The following CPXM1 variants were observed in gnomAD, a reference collection of about 807,000 sequenced individuals.
CPXM1 encodes probable carboxypeptidase X1.
Under a neutral mutation model 80.4 loss-of-function variants are expected in CPXM1, and 72 were observed. The observed-to-expected ratio is 0.90, with a 90% CI of 0.74 to 1.09. CPXM1 has a LOEUF of 1.09. Among genes scored for constraint, CPXM1 ranks in the 50% least tolerant of loss-of-function variants. The probability of loss-of-function intolerance (pLI) is 0.00; values close to 1 mark genes in which losing one functional copy is unlikely to be tolerated. For synonymous variants in CPXM1, 403 were observed against 405.6 expected, an observed-to-expected ratio of 0.99 and a Z score of 0.08; for missense variants, 892 against 999.4, an observed-to-expected ratio of 0.89 and a Z score of 1.45.
Position 2,795,975 on chromosome 20 carries a change from T to C in CPXM1, c.1422+7A>G. ...CAGACCTCCACTGCCGCCCTCAAAA[T>C]ACTCACGGTGGCATTGGGCAGGGTG... On this transcript the variant is annotated splice_region_variant and intron_variant, in intron 10 of 13. Coordinates refer to ENST00000380605, the MANE Select transcript of CPXM1 (RefSeq NM_019609.5). This position sits in a 1 kb window ranked among gnomAD's most constrained non-coding sequence, Gnocchi z 5.4. 1 of 1,602,992 alleles carries C rather than the reference T, an allele frequency of 6.2e-7. No individual in the cohort carries two copies. Among genetic ancestry groups the C allele is most frequent in the Non-Finnish European group, 8.5e-7 (1 of 1,172,870 alleles).
Position 2,798,839 on chromosome 20 carries a change from A to G in CPXM1, c.227T>C (p.Met76Thr), listed in dbSNP as rs138905387. Residue 76 changes from methionine (M) to threonine (T), a missense_variant, in exon 2 of 14, where the codon ATG becomes ACG. Met to Thr is a moderately conservative substitution (Grantham distance 81). This residue lies in a region of CPXM1 where 874 missense variants were observed against 958.4 expected (regional missense o/e 0.91). Transcript: ENST00000380605. ...TAGAGTTAGCTTCTTCCGCTTCTTC[A>G]TAATGACCTTTTTCTTCTTGATGAC... ...IRVIKKKKVIMKKRKKLTLTR... is the reference protein window; with the variant it reads ...IRVIKKKKVITKKRKKLTLTR... 680 of 1,614,078 alleles carry G rather than the reference A, an allele frequency of 4.2e-4. No homozygotes were observed. Among genetic ancestry groups the G allele is most frequent in the Middle Eastern group, 8.3e-4 (5 of 6,054 alleles).
rs577809249 is a variant in CPXM1 at position 2,800,594 on chromosome 20, G to C, written c.-22C>G. 5.7e-5 allele frequency: 76 copies of C among 1,326,050 alleles called. 1 individual carries two copies. The African/African-American group carries it at 9.4e-4, about 16-fold the overall frequency. The allele number at this position is 1,326,050 out of a possible 1,614,324, so 82.1% of individuals were successfully genotyped here. A position where few individuals can be genotyped will look rare whatever the true frequency, so the allele number is the denominator to read the frequency against. On this transcript the variant is annotated 5_prime_UTR_variant, in exon 1 of 14. Transcript: ENST00000380605. ...ACATGGCGGGGATTGAGTGCCAGGG[G>C]CGCGCGGGCTACGGCGGGTGGCGGG... is the stretch of plus-strand genomic sequence containing the variant.
chr20:2,800,290 G>T, intron 1 of CPXM1, 111 bp downstream of exon 1: 1 of 976,422 alleles, frequency 1.0e-6, no homozygotes, highest in Non-Finnish European at 1.4e-6. Context: ...GCATGACTGT[G>T]AGTGTGCGTG....
In CPXM1 at chr20:2,795,410, T is replaced by C. The variant is rs1285853797; in HGVS notation, c.1727A>G (p.Asn576Ser). 1.2e-6 allele frequency: 2 copies of C among 1,613,996 alleles called. No homozygotes were observed. The highest frequency in any genetic ancestry group is 1.7e-6 in the Non-Finnish European group (2 of 1,179,926). Residue 576 changes from asparagine to serine, a missense_variant, in exon 12 of 14, where the codon AAT (asparagine) becomes AGT (serine). Around this residue, in one of 2 missense-constraint regions of CPXM1, gnomAD observed 874 missense variants for 958.4 expected, o/e 0.91. Coordinates refer to ENST00000380605, the MANE Select transcript of CPXM1 (RefSeq NM_019609.5). The surrounding 1 kb of genome is among the most constrained non-coding windows in gnomAD (Gnocchi z 5.4). Reference sequence around the variant, plus strand: ...GTTGGTGTGTAGGTAGCTGAAGTCATTCATGCCTAAGGGGACCACAGACAC... The same window carrying C: ...GTTGGTGTGTAGGTAGCTGAAGTCACTCATGCCTAAGGGGACCACAGACAC... ...ADWHTVPGSM[N>S]DFSYLHTNCF... is the part of the protein sequence containing the mutation.
intron 3 of CPXM1, 57 bp downstream of exon 3, chr20:2,798,371 C>T: frequency 6.2e-7 from 1 of 1,601,402 alleles, no homozygotes. Context: ...AGGAGAGAAG[C>T]TCCCAGGGGC....
intron 2 of CPXM1, 86 bp from the exon 3 acceptor site, chr20:2,798,623 C>T: frequency 1.3e-6 from 2 of 1,541,850 alleles, no homozygotes; most frequent in Non-Finnish European, 1.8e-6. Flanking sequence ...TGCTCCTGCG[C>T]TAGGCAAGCA....
Position 2,798,867 on chromosome 20 carries a change from G to C in CPXM1, c.199C>G (p.Arg67Gly). The change falls in exon 2 of 14, where the codon CGA becomes GGA. Residue 67 changes from arginine (R) to glycine (G), a missense_variant. Transcript: ENST00000380605. ...NGTSEQHVRI[R>G]VIKKKKVIMK... Reference sequence around the variant, plus strand: ...ATGACCTTTTTCTTCTTGATGACTCGAATCCGGACATGCTGTTCTGAGGTC... The same window carrying C: ...ATGACCTTTTTCTTCTTGATGACTCCAATCCGGACATGCTGTTCTGAGGTC... 1 of 1,613,980 alleles carries C rather than the reference G, an allele frequency of 6.2e-7. No individual in the cohort carries two copies. The highest frequency in any genetic ancestry group is 8.5e-7 in the Non-Finnish European group (1 of 1,179,970).
chr20:2,794,313 G>A lies in CPXM1; in HGVS notation c.2082C>T (p.Phe694=). 1 of 1,614,192 alleles carries A rather than the reference G, an allele frequency of 6.2e-7. No individual in the cohort carries two copies. Among genetic ancestry groups the A allele is most frequent in the Non-Finnish European group, 8.5e-7 (1 of 1,180,044 alleles). ...NCRVTFEEGP[F]PCNFVLTKTP... Reference sequence around the variant, plus strand: ...TCTTGGTGAGCACGAAATTGCAGGGGAAGGGGCCCTCTTCAAAGGTGACCC... The same window carrying A: ...TCTTGGTGAGCACGAAATTGCAGGGAAAGGGGCCCTCTTCAAAGGTGACCC... The change falls in exon 14 of 14, where the codon TTC becomes TTT. Residue 694 remains phenylalanine, a synonymous_variant. Coordinates refer to ENST00000380605, the MANE Select transcript of CPXM1 (RefSeq NM_019609.5). This position sits in a 1 kb window ranked among gnomAD's most constrained non-coding sequence, Gnocchi z 5.2.
At chr20:2,797,140 G>C in intron 6 of CPXM1, 46 bp from the exon 7 acceptor site, 1 of 1,612,928 alleles carries the variant, frequency 6.2e-7, no homozygotes, top group Non-Finnish European at 8.5e-7. Flanking sequence ...CACAGTGAAG[G>C]ATGCACCCTG....
In CPXM1 at chr20:2,796,989, T is replaced by C. The variant is rs764851839; in HGVS notation, c.921+17A>G. 3.1e-6 allele frequency: 5 copies of C among 1,608,118 alleles called. No homozygotes were observed. The South Asian group carries it at 5.5e-5, about 18-fold the overall frequency. ...TGGGTGGGCCCTCCTTCCCAGGTCA[T>C]AGGGGTTATATCTGACCTTCCTCAT... On this transcript the variant is annotated intron_variant, in intron 7 of 13. Coordinates refer to ENST00000380605, the MANE Select transcript of CPXM1 (RefSeq NM_019609.5). This position sits in a 1 kb window ranked among gnomAD's most constrained non-coding sequence, Gnocchi z 6.8.
In CPXM1 at chr20:2,794,166, C is replaced by T. The variant is rs2088479684; in HGVS notation, c.*24G>A. On this transcript the variant is annotated 3_prime_UTR_variant, in exon 14 of 14. Coordinates refer to ENST00000380605, the MANE Select transcript of CPXM1 (RefSeq NM_019609.5). The surrounding 1 kb of genome is among the most constrained non-coding windows in gnomAD (Gnocchi z 5.2). ...TCCCGTCTTGACAGGTCCAGCCTGC[C>T]CTAGGGCTCTTAAACCGCAGGTATC... The T allele has an allele frequency of 6.3e-7, 1 of 1,593,846 alleles. No homozygotes were observed. Among genetic ancestry groups the T allele is most frequent in the South Asian group, 1.1e-5 (1 of 87,504 alleles).
chr20:2,794,362 T>C lies in CPXM1; in HGVS notation c.2033A>G (p.Tyr678Cys), dbSNP rs775408477. 6.2e-6 allele frequency: 10 copies of C among 1,614,078 alleles called. No homozygotes were observed. In the Admixed American group the frequency reaches 6.7e-5, roughly 11 times the overall value. ...DYMVTASAEG[Y>C]HSVTRNCRVT... The stretch of plus-strand genomic sequence containing the variant: ...CCGACAGTTCCGTGTCACTGAATGG[T>C]AGCCCTCGGCACTGGCAGTCACCAT... Residue 678 changes from tyrosine (Y) to cysteine (C), a missense_variant, in exon 14 of 14, where the codon TAC becomes TGC. By Grantham distance (194) the Tyr-to-Cys change is radical. Around this residue, in one of 2 missense-constraint regions of CPXM1, gnomAD observed 874 missense variants for 958.4 expected, o/e 0.91. Coordinates refer to ENST00000380605, the MANE Select transcript of CPXM1 (RefSeq NM_019609.5). The surrounding 1 kb of genome is among the most constrained non-coding windows in gnomAD (Gnocchi z 5.2).
At position 2,794,947 on chromosome 20, in the gene CPXM1, C is replaced by G. The variant is rs2088489306; in HGVS notation, c.1861-308G>C. 6.6e-6 allele frequency among the ~76,000 whole-genome samples: 1 copy of G among 152,148 alleles called. No homozygotes were observed. The highest frequency in any genetic ancestry group is 2.4e-5 in the African/African-American group (1 of 41,422). ...GGAGCTATTACAAGGGTTATGAGCT[C>G]CATGGAACATGAAGCTTCTATGCCA... On this transcript the variant is annotated intron_variant, in intron 12 of 13. Transcript: ENST00000380605. The surrounding 1 kb of genome is among the most constrained non-coding windows in gnomAD (Gnocchi z 5.2).
chr20:2,798,882 G>C lies in CPXM1; in HGVS notation c.184C>G (p.Gln62Glu). The C allele has an allele frequency of 6.2e-7, 1 of 1,613,876 alleles. No homozygotes were observed. Residue 62 changes from glutamine to glutamate, a missense_variant, in exon 2 of 14, where the codon CAG becomes GAG. Transcript: ENST00000380605. ...TTGATGACTCGAATCCGGACATGCTGTTCTGAGGTCCCTTGGGGTCCGAGA... is the reference window on the plus strand; with the variant it reads ...TTGATGACTCGAATCCGGACATGCTCTTCTGAGGTCCCTTGGGGTCCGAGA... ...PAETANGTSEQHVRIRVIKKK... is the reference protein window; with the variant it reads ...PAETANGTSEEHVRIRVIKKK...
At chr20:2,800,279 T>G (rs970021201) in intron 1 of CPXM1, 122 bp downstream of exon 1, 2 of 884,470 alleles carry the variant, frequency 2.3e-6, no homozygotes, top group African/African-American at 1.8e-5. Flanking sequence ...GGGGTGAGTG[T>G]GCATGACTGT....
Position 2,796,248 on chromosome 20 carries a change from C to A in CPXM1, c.1241G>T (p.Arg414Leu). The A allele has an allele frequency of 6.2e-7, 1 of 1,613,140 alleles. No individual in the cohort carries two copies. ...NPDGYEIAYH[R>L]GSELVGWAEG... Reference sequence around the variant, plus strand: ...TGGCCCTCATGCTGGGTGGCCTACCCGGTGGTAGGCGATCTCATAGCCATC... The same window carrying A: ...TGGCCCTCATGCTGGGTGGCCTACCAGGTGGTAGGCGATCTCATAGCCATC... The change falls in exon 9 of 14, where the codon CGG (arginine) becomes CTG (leucine). Residue 414 changes from arginine to leucine, a missense_variant and splice_region_variant. Arg to Leu is a moderately radical substitution (Grantham distance 102). Transcript: ENST00000380605. The surrounding 1 kb of genome is among the most constrained non-coding windows in gnomAD (Gnocchi z 6.8).
Position 2,795,862 on chromosome 20 carries a change from A to G in CPXM1, c.1457T>C (p.Met486Thr), listed in dbSNP as rs755980214. 6.2e-7 allele frequency: 1 copy of G among 1,612,158 alleles called. No individual in the cohort carries two copies. The highest frequency in any genetic ancestry group is 1.7e-5 in the Admixed American group (1 of 59,998). The change falls in exon 11 of 14, where the codon ATG (methionine) becomes ACG (threonine). Residue 486 changes from methionine to threonine, a missense_variant. This residue lies in a region of CPXM1 where 874 missense variants were observed against 958.4 expected (regional missense o/e 0.91). Coordinates refer to ENST00000380605, the MANE Select transcript of CPXM1 (RefSeq NM_019609.5). This position sits in a 1 kb window ranked among gnomAD's most constrained non-coding sequence, Gnocchi z 5.4. ...ACTTAGCACAAAGGGGATCCGCTTC[A>G]TCCACTTGATTACTGCCCGCGTTTC... is the stretch of plus-strand genomic sequence containing the variant. Reference protein sequence around the residue: ...APETRAVIKWMKRIPFVLSAN... With the variant: ...APETRAVIKWTKRIPFVLSAN...
At position 2,794,269 on chromosome 20, in the gene CPXM1, C is replaced by A; in HGVS notation, c.2126G>T (p.Arg709Leu). Residue 709 changes from arginine to leucine, a missense_variant, in exon 14 of 14, where the codon CGC (arginine) becomes CTC (leucine). Physicochemically the swap from Arg to Leu is moderately radical, Grantham distance 102. This residue lies in a region of CPXM1 where 874 missense variants were observed against 958.4 expected (regional missense o/e 0.91). Transcript: ENST00000380605. This position sits in a 1 kb window ranked among gnomAD's most constrained non-coding sequence, Gnocchi z 5.2. The part of the protein sequence containing the change: ...VLTKTPKQRL[R>L]ELLAAGAKVP... ...CTTGGCCCCAGCTGCCAGCAGCTCG[C>A]GCAGCCTCTGTTTGGGAGTCTTGGT... The A allele has an allele frequency of 6.2e-7, 1 of 1,614,090 alleles. No individual in the cohort carries two copies.
Position 2,795,911 on chromosome 20 carries a change from T to G in CPXM1, c.1423-15A>C. 1 of 1,606,952 alleles carries G rather than the reference T, an allele frequency of 6.2e-7. No individual in the cohort carries two copies. Among genetic ancestry groups the G allele is most frequent in the Non-Finnish European group, 8.5e-7 (1 of 1,174,828 alleles). On this transcript the variant is annotated splice_polypyrimidine_tract_variant and intron_variant, in intron 10 of 13. Transcript: ENST00000380605. The surrounding 1 kb of genome is among the most constrained non-coding windows in gnomAD (Gnocchi z 5.4). Reference sequence around the variant, plus strand: ...TCAGGAGCCACCTGGATGGGGCAGGTCAGGAGGGGCAGGAGACAGAGACAA... The same window carrying G: ...TCAGGAGCCACCTGGATGGGGCAGGGCAGGAGGGGCAGGAGACAGAGACAA...
Sources: allele counts gnomAD v4.1 joint callset (sites outside exome capture counted in the v4.1 genomes callset), GRCh38; gene constraint gnomAD v4.1.1; regional missense constraint gnomAD v4.1.1; non-coding constraint Gnocchi (gnomAD v3.1); transcripts MANE v1.5; gene names NCBI Gene and HGNC (gene_info 2026-07-23, HGNC 2026-07-21).